Variants in CPPED1 observed in about 807,000 individuals in gnomAD.
CPPED1 encodes serine/threonine-protein phosphatase CPPED1.
CPPED1 carries 28 observed loss-of-function variants against 28.0 expected under a neutral mutation model. The observed-to-expected ratio is 1.00, with a 90% CI of 0.74 to 1.37. The LOEUF (loss-of-function observed/expected upper bound fraction) is 1.37. CPPED1 is among the 40% of genes most tolerant of loss of function. The pLI, the probability that CPPED1 is intolerant of heterozygous loss-of-function variation, is 0.00. For missense variants in CPPED1, 504 were observed against 416.5 expected (o/e 1.21, Z -1.83); for synonymous variants, 198 against 180.2 (o/e 1.10, Z -0.79).
At chr16:12,708,340 T>C (rs1046740045) in intron 2 of CPPED1, among the ~76,000 whole-genome samples, 1 of 152,108 alleles carries the variant, frequency 6.6e-6, no homozygotes. Context: ...CTCTGAGTCT[T>C]GGTTTCATCG....
intron 2 of CPPED1, among the ~76,000 whole-genome samples, chr16:12,747,714 G>A (rs555753393): frequency 6.6e-6 from 1 of 152,166 alleles, no homozygotes; most frequent in East Asian, 1.9e-4. Context: ...CACCGCGCCC[G>A]GCCTTAACGA....
chr16:12,760,123 G>A (rs2080399920), intron 2 of CPPED1, among the ~76,000 whole-genome samples: 1 of 152,254 alleles, frequency 6.6e-6, no homozygotes, highest in Admixed American at 6.5e-5. Context: ...TGAACTTGCT[G>A]TGTGCTGAGT....
intron 1 of CPPED1, among the ~76,000 whole-genome samples, chr16:12,800,479 C>A (rs2080652814): frequency 6.6e-6 from 1 of 151,936 alleles, no homozygotes; most frequent in African/African-American, 2.4e-5. Flanking sequence ...AGAAATGCAG[C>A]CTCTGGACAA....
At chr16:12,668,646 G>T (rs1458795427) in intron 3 of CPPED1, among the ~76,000 whole-genome samples, 1 of 152,140 alleles carries the variant, frequency 6.6e-6, no homozygotes, top group Non-Finnish European at 1.5e-5. Flanking sequence ...TCAACCAAAA[G>T]ACAACCCAAT....
rs2079812745 is a variant in CPPED1 at position 12,664,314 on chromosome 16, G to C, written c.*572C>G. The C allele has an allele frequency of 2.1e-6, 2 of 952,174 alleles. No individual in the cohort carries two copies. The highest frequency in any genetic ancestry group is 2.5e-6 in the Non-Finnish European group (2 of 799,330). 59.0% of individuals were successfully genotyped at this position (952,174 alleles called of 1,614,324 possible). On this transcript the variant is annotated 3_prime_UTR_variant, in exon 4 of 4. Coordinates refer to ENST00000381774, the MANE Select transcript of CPPED1 (RefSeq NM_018340.3). The surrounding 1 kb of genome is among the most constrained non-coding windows in gnomAD (Gnocchi z 4.2). ...CTGCATTCTGTTCCTATCATCAGAAGTCTCAGAATTGAACAGTAAATGGTG... is the reference window on the plus strand; with the variant it reads ...CTGCATTCTGTTCCTATCATCAGAACTCTCAGAATTGAACAGTAAATGGTG...
intron 1 of CPPED1, among the ~76,000 whole-genome samples, chr16:12,792,677 G>A (rs751717427): frequency 1.3e-5 from 2 of 152,118 alleles, no homozygotes; most frequent in African/African-American, 2.4e-5. Context: ...AATCATGGGG[G>A]CTGGTCTTTC....
intron 2 of CPPED1, among the ~76,000 whole-genome samples, chr16:12,761,371 A>G (rs1296318689): frequency 1.3e-5 from 2 of 152,122 alleles, no homozygotes; most frequent in South Asian, 4.1e-4. Context: ...GCACATGGTC[A>G]CTACCCATCA....
At chr16:12,679,277 G>A (rs952322490) in intron 3 of CPPED1, among the ~76,000 whole-genome samples, 1 of 152,192 alleles carries the variant, frequency 6.6e-6, no homozygotes, top group Non-Finnish European at 1.5e-5. Flanking sequence ...TGTGTGTAAA[G>A]AGTAGGTGGA....
At chr16:12,757,084 G>A (rs1340840680) in intron 2 of CPPED1, among the ~76,000 whole-genome samples, 4 of 152,116 alleles carry the variant, frequency 2.6e-5, no homozygotes, top group African/African-American at 9.7e-5. Context: ...GACCAACTAA[G>A]TTACAGCACC....
intron 2 of CPPED1, chr16:12,760,440 A>G (rs764929815): frequency 1.3e-5 from 2 of 152,190 alleles, no homozygotes; most frequent in Non-Finnish European, 1.5e-5. Context: ...TCTGGACAAG[A>G]TGGACATGGT....
At chr16:12,717,401 C>T (rs1158459182) in intron 2 of CPPED1, among the ~76,000 whole-genome samples, 1 of 152,086 alleles carries the variant, frequency 6.6e-6, no homozygotes, top group African/African-American at 2.4e-5. Context: ...GTAGCTGGGA[C>T]TACAGGCGCC....
rs2079849494 is a variant in CPPED1, at chr16:12,670,849, T to G, written c.716-5734A>C. 6.6e-6 allele frequency among the ~76,000 whole-genome samples: 1 copy of G among 152,166 alleles called. No homozygotes were observed. Among genetic ancestry groups the G allele is most frequent in the Non-Finnish European group, 1.5e-5 (1 of 68,022 alleles). ...TGTTTTTATTTTTTTAATTATTTAT[T>G]TATTTTTAATATATTTTTTGAGGTG... On this transcript the variant is annotated intron_variant, in intron 3 of 3. Transcript: ENST00000381774. This position sits in a 1 kb window ranked among gnomAD's most constrained non-coding sequence, Gnocchi z 4.2.
chr16:12,706,910 G>A (rs922731205), intron 2 of CPPED1, among the ~76,000 whole-genome samples: 3 of 152,176 alleles, frequency 2.0e-5, no homozygotes, highest in Non-Finnish European at 4.4e-5. Flanking sequence ...CCTAGTGGAG[G>A]GAGCCTTAGG....
Position 12,670,067 on chromosome 16 carries a change from G to A in CPPED1, c.716-4952C>T, listed in dbSNP as rs1410351667. Among the ~76,000 whole-genome samples, 1 of 152,210 alleles carries A rather than the reference G, an allele frequency of 6.6e-6. No individual in the cohort carries two copies. Among genetic ancestry groups the A allele is most frequent in the African/African-American group, 2.4e-5 (1 of 41,458 alleles). ...CAATCCCAGCACTTTGGGAGGCCAA[G>A]GTGAGAGGATCGCTTGAGGCCAGGA... On this transcript the variant is annotated intron_variant, in intron 3 of 3. Transcript: ENST00000381774. This position sits in a 1 kb window ranked among gnomAD's most constrained non-coding sequence, Gnocchi z 4.2.
At chr16:12,764,294 C>T (rs1330549855) in intron 2 of CPPED1, among the ~76,000 whole-genome samples, 1 of 151,882 alleles carries the variant, frequency 6.6e-6, no homozygotes, top group South Asian at 2.1e-4. Flanking sequence ...ACCTCCACTT[C>T]CCAAGTTCAA....
At chr16:12,692,769 T>C (rs1049593282) in intron 3 of CPPED1, among the ~76,000 whole-genome samples, 1 of 152,204 alleles carries the variant, frequency 6.6e-6, no homozygotes, top group Non-Finnish European at 1.5e-5. Flanking sequence ...ATTGCTCTAT[T>C]AGGTGCCTTC....
intron 1 of CPPED1, among the ~76,000 whole-genome samples, chr16:12,798,993 C>A (rs1184796002): frequency 6.6e-6 from 1 of 152,136 alleles, no homozygotes; most frequent in African/African-American, 2.4e-5. Context: ...CCAAGTGTCA[C>A]ACATACCACT....
At chr16:12,717,102 G>A (rs890797109) in intron 2 of CPPED1, among the ~76,000 whole-genome samples, 1 of 152,096 alleles carries the variant, frequency 6.6e-6, no homozygotes, top group African/African-American at 2.4e-5. Context: ...GGGTGAGGGT[G>A]GAGAGGTTTA....
Position 12,704,827 on chromosome 16 carries a change from G to C in CPPED1, c.512C>G (p.Pro171Arg). ...LVLNSQFYEN[P>R]SKCPSLKQAQ... ...CTGCTTCAGGCTGGGGCATTTGGAG[G>C]GGTTCTCGTAGAACTGGGAGTTGAG... The change falls in exon 3 of 4, where the codon CCC (proline) becomes CGC (arginine). Residue 171 changes from proline (P) to arginine (R), a missense_variant. Physicochemically the swap from Pro to Arg is moderately radical, Grantham distance 103. Transcript: ENST00000381774. 1 of 1,614,224 alleles carries C rather than the reference G, an allele frequency of 6.2e-7. No homozygotes were observed. The highest frequency in any genetic ancestry group is 1.6e-4 in the Middle Eastern group (1 of 6,062).
Sources: gnomAD v4.1 joint callset for allele counts (sites outside exome capture counted in the v4.1 genomes callset) on GRCh38, gnomAD v4.1.1 for gene constraint, Gnocchi (gnomAD v3.1) non-coding constraint, MANE v1.5 for transcripts, NCBI Gene and HGNC (gene_info 2026-07-23, HGNC 2026-07-21) for gene names.